MAPK6: variants seen among roughly 807,000 people sequenced by gnomAD.
The protein encoded by MAPK6 is ERK-3.
In MAPK6, 19 loss-of-function variants were observed where a neutral mutation model predicts 59.3. The ratio of observed to expected loss-of-function variants is 0.32; its 90% CI spans 0.22 to 0.47. The LOEUF (loss-of-function observed/expected upper bound fraction) is 0.47. MAPK6 is among the 20% of genes least tolerant of loss of function. MAPK6 has a pLI of 1.00. For missense variants in MAPK6, 724 were observed against 847.9 expected (o/e 0.85, Z 1.81); for synonymous variants, 316 against 290.3 (o/e 1.09, Z -0.90).
chr15:51,996,537 A>G (rs2057224665), intron 2 of MAPK6, among the ~76,000 whole-genome samples: 1 of 152,114 alleles, frequency 6.6e-6, no homozygotes, highest in South Asian at 2.1e-4. Context: ...CTGGAATTAC[A>G]GGCATGTGCC....
At chr15:52,019,187 A>T (rs1262431759), upstream of MAPK6, 7 of 151,448 alleles carry the variant, frequency 4.6e-5, no homozygotes, top group East Asian at 1.2e-3. Context: ...CTGTGACGTG[A>T]GGGGGCGTGG....
At chr15:51,974,209 G>T (rs1358831565) in intron 1 of MAPK6, among the ~76,000 whole-genome samples, 1 of 151,656 alleles carries the variant, frequency 6.6e-6, no homozygotes, top group African/African-American at 2.4e-5. Context: ...TGATCCTCGT[G>T]TCTTGGCCTC....
chr15:52,014,059 TTCATCTGGGA>T (rs953155016), intron 3 of MAPK6, among the ~76,000 whole-genome samples: 34 of 150,604 alleles, frequency 2.3e-4, no homozygotes, highest in African/African-American at 8.0e-4. Context: ...TGTACATTCT[TTCATCTGGGA>T]TTTTTTTTTT....
chr15:51,972,976 T>A (rs1345428252), intron 1 of MAPK6, among the ~76,000 whole-genome samples: 1 of 151,812 alleles, frequency 6.6e-6, no homozygotes, highest in Non-Finnish European at 1.5e-5. Flanking sequence ...GCCACTTCAC[T>A]CTAGCCTGAG....
chr15:52,033,117 A>C (rs1255349538), intron 1 of MAPK6, among the ~76,000 whole-genome samples: 1 of 152,094 alleles, frequency 6.6e-6, no homozygotes, highest in Non-Finnish European at 1.5e-5. Flanking sequence ...GCATCTTTCT[A>C]CTTTTGTCTT....
chr15:52,061,369 C>G lies in MAPK6; in HGVS notation c.936C>G (p.Ser312=). The G allele has an allele frequency of 6.2e-7, 1 of 1,614,062 alleles. No homozygotes were observed. The highest frequency in any genetic ancestry group is 8.5e-7 in the Non-Finnish European group (1 of 1,179,936). ...GGTTAACAGCAGAAGAAGCACTCTCCCATCCTTACATGAGCATATATTCTT... is the reference window on the plus strand; with the variant it reads ...GGTTAACAGCAGAAGAAGCACTCTCGCATCCTTACATGAGCATATATTCTT... ...MDRLTAEEAL[S]HPYMSIYSFP... Residue 312 remains serine (S), a synonymous_variant, in exon 5 of 6, where the codon TCC becomes TCG. Coordinates refer to ENST00000261845, the MANE Select transcript of MAPK6 (RefSeq NM_002748.4).
chr15:51,987,090 T>A (rs1446642331), intron 2 of MAPK6, among the ~76,000 whole-genome samples: 1 of 152,232 alleles, frequency 6.6e-6, no homozygotes, highest in Non-Finnish European at 1.5e-5. Flanking sequence ...AAATCTGGAC[T>A]ATTTCAACTT....
At position 52,061,389 on chromosome 15, in the gene MAPK6, A is replaced by T; in HGVS notation, c.956A>T (p.Tyr319Phe). ...CTCTCCCATCCTTACATGAGCATAT[A>T]TTCTTTTCCAATGGATGAGCCAATT... The part of the protein sequence containing the change: ...EALSHPYMSI[Y>F]SFPMDEPISS... The change falls in exon 5 of 6, where the codon TAT becomes TTT. Residue 319 changes from tyrosine to phenylalanine, a missense_variant. Coordinates refer to ENST00000261845, the MANE Select transcript of MAPK6 (RefSeq NM_002748.4). 1 of 1,614,010 alleles carries T rather than the reference A, an allele frequency of 6.2e-7. No homozygotes were observed. The highest frequency in any genetic ancestry group is 8.5e-7 in the Non-Finnish European group (1 of 1,179,862).
chr15:52,061,883 T>G (rs191280602), intron 5 of MAPK6, among the ~76,000 whole-genome samples: 1 of 152,150 alleles, frequency 6.6e-6, no homozygotes, highest in Non-Finnish European at 1.5e-5. Context: ...AGTTAAATGC[T>G]ACTTTGAAAC....
chr15:52,046,798 C>G lies in MAPK6; in HGVS notation c.338C>G (p.Thr113Arg). The G allele has an allele frequency of 6.2e-7, 1 of 1,613,814 alleles. No homozygotes were observed. The highest frequency in any genetic ancestry group is 1.1e-5 in the South Asian group (1 of 91,024). The change falls in exon 2 of 6, where the codon ACA becomes AGA. Residue 113 changes from threonine (T) to arginine (R), a missense_variant. Transcript: ENST00000261845. ...SVYIVQEYME[T>R]DLANVLEQGP... ...TACATTGTTCAGGAGTACATGGAGA[C>G]AGACTTGGCTAATGTGCTGGAGCAG...
chr15:52,059,592 TC>T, intron 4 of MAPK6, among the ~76,000 whole-genome samples: 1 of 152,238 alleles, frequency 6.6e-6, no homozygotes, highest in Non-Finnish European at 1.5e-5. Flanking sequence ...TTGTCACTAA[TC>T]AAGAGGACGG....
At position 52,065,050 on chromosome 15, in the gene MAPK6, C is replaced by G. The variant is rs373807466; in HGVS notation, c.*50C>G. 17 of 1,494,770 alleles carry G rather than the reference C, an allele frequency of 1.1e-5. No homozygotes were observed. The African/African-American group carries it at 1.4e-4, about 12-fold the overall frequency. The allele number at this position is 1,494,770 out of a possible 1,614,324, so 92.6% of individuals were successfully genotyped here. On this transcript the variant is annotated 3_prime_UTR_variant, in exon 6 of 6. Coordinates refer to ENST00000261845, the MANE Select transcript of MAPK6 (RefSeq NM_002748.4). ...GTATTCTTCATGAAATGTGTTTTGT[C>G]TTTTTTTATTACTAGTGTTTAAGTC...
intron 2 of MAPK6, among the ~76,000 whole-genome samples, chr15:51,985,765 T>C (rs2057189141): frequency 6.6e-6 from 1 of 152,108 alleles, no homozygotes; most frequent in African/African-American, 2.4e-5. Flanking sequence ...AAGACCATCC[T>C]GGCTAACACG....
chr15:52,063,862 CATATACGTAGA>C (rs763413185), intron 5 of MAPK6, 29 bp from the exon 6 acceptor site: 12 of 1,507,026 alleles, frequency 8.0e-6, no homozygotes, highest in Non-Finnish European at 1.1e-5. Context: ...AAAATGAAAT[CATATACGTAGA>C]ATAACGCTAG....
Position 52,063,909 on chromosome 15 carries a change from G to T in MAPK6, c.1075G>T (p.Asp359Tyr), listed in dbSNP as rs775423389. The T allele has an allele frequency of 1.3e-6, 2 of 1,537,488 alleles. No homozygotes were observed. The highest frequency in any genetic ancestry group is 2.2e-5 in the Admixed American group (1 of 46,334). ...SHIYNWERYHDCQFSEHDWPV... is the reference protein window; with the variant it reads ...SHIYNWERYHYCQFSEHDWPV... Reference sequence around the variant, plus strand: ...TGTATTGATTTTTTTCAGGTATCATGATTGTCAGTTTTCAGAGCATGATTG... The same window carrying T: ...TGTATTGATTTTTTTCAGGTATCATTATTGTCAGTTTTCAGAGCATGATTG... Residue 359 changes from aspartate (D) to tyrosine (Y), a missense_variant, in exon 6 of 6, where the codon GAT (aspartate) becomes TAT (tyrosine). Physicochemically the swap from Asp to Tyr is radical, Grantham distance 160. Coordinates refer to ENST00000261845, the MANE Select transcript of MAPK6 (RefSeq NM_002748.4).
intron 1 of MAPK6, among the ~76,000 whole-genome samples, chr15:51,982,905 T>C (rs1272821186): frequency 1.3e-5 from 2 of 152,206 alleles, no homozygotes; most frequent in Admixed American, 1.3e-4. Context: ...TTTATTTCCT[T>C]ACTCAATGAG....
intron 1 of MAPK6, among the ~76,000 whole-genome samples, chr15:52,036,924 C>T (rs555141029): frequency 2.0e-5 from 3 of 151,858 alleles, no homozygotes; most frequent in Non-Finnish European, 4.4e-5. Context: ...ATCTTGTAAG[C>T]CTTCTTCAGT....
intron 1 of MAPK6, among the ~76,000 whole-genome samples, chr15:52,023,664 C>T (rs972891444): frequency 7.2e-5 from 11 of 152,204 alleles, no homozygotes; most frequent in African/African-American, 2.4e-4. Context: ...CAGGCTGGAG[C>T]GCAGTCGCGC....
chr15:51,971,992 C>T (rs2057129772), intron 1 of MAPK6, among the ~76,000 whole-genome samples: 1 of 150,660 alleles, frequency 6.6e-6, no homozygotes, highest in African/African-American at 2.5e-5. Flanking sequence ...GTCCTGCGTT[C>T]GGTTGCGGGT....
Sources: allele counts gnomAD v4.1 joint callset (sites outside exome capture counted in the v4.1 genomes callset), GRCh38; gene constraint gnomAD v4.1.1; transcripts MANE v1.5; gene names NCBI Gene and HGNC (gene_info 2026-07-23, HGNC 2026-07-21).